The following PLXNA4 variants were observed in gnomAD, a reference collection of about 807,000 sequenced individuals.
PLXNA4 encodes plexin A4.
PLXNA4 carries 44 observed loss-of-function variants against 191.8 expected under a neutral mutation model. The ratio of observed to expected loss-of-function variants is 0.23; its 90% CI spans 0.18 to 0.29. PLXNA4 has a LOEUF of 0.29. Among genes scored for constraint, PLXNA4 ranks in the 10% least tolerant of loss-of-function variants. The pLI is 1.00. For synonymous variants in PLXNA4, 1,082 were observed against 1,009.5 expected (o/e 1.07, Z -1.36); for missense variants, 1,800 against 2,488.8 (o/e 0.72, Z 5.89).
At chr7:132,144,572 T>C (rs1268551997) in intron 29 of PLXNA4, among the ~76,000 whole-genome samples, 1 of 152,246 alleles carries the variant, frequency 6.6e-6, no homozygotes, top group Non-Finnish European at 1.5e-5. Flanking sequence ...TTTGTTCACC[T>C]GGCTGGTTCC....
chr7:132,265,591 T>C (rs1013077262), intron 4 of PLXNA4, among the ~76,000 whole-genome samples: 2 of 152,182 alleles, frequency 1.3e-5, no homozygotes, highest in African/African-American at 2.4e-5. Flanking sequence ...GAATTGAGCA[T>C]GCAGACAAGA....
At chr7:132,328,804 C>T (rs73723785) in intron 3 of PLXNA4, among the ~76,000 whole-genome samples, 4,594 of 152,214 alleles carry the variant, frequency 0.03, 126 homozygotes, top group African/African-American at 0.072. Flanking sequence ...CCCTCTGCAC[C>T]GCAGGTGCTC....
At chr7:132,321,614 G>A (rs183481709) in intron 3 of PLXNA4, among the ~76,000 whole-genome samples, 1,991 of 152,274 alleles carry the variant, frequency 0.013, 37 homozygotes, top group African/African-American at 0.045. Flanking sequence ...TTGCCGTGTC[G>A]GTGCACATAA....
rs78248128 is a variant in PLXNA4, at chr7:132,508,466, G to A, written c.228C>T (p.Ser76=). ...CATGCGTCACCAAGACCTTCAGGTC[G>A]CTGGAGAGCTTGTAAATCCGATTGA... ...GAVNRIYKLS[S]DLKVLVTHET... is the part of the protein sequence containing the mutation. The change falls in exon 2 of 32, where the codon AGC becomes AGT. Residue 76 remains serine, a synonymous_variant. Transcript: ENST00000321063. This position sits in a 1 kb window ranked among gnomAD's most constrained non-coding sequence, Gnocchi z 4.4. The A allele has an allele frequency of 7.7e-3, 12,451 of 1,614,154 alleles. 487 individuals carry two copies. The African/African-American group carries it at 0.11, about 14-fold the overall frequency.
At chr7:132,241,969 T>A (rs1217859112) in intron 4 of PLXNA4, among the ~76,000 whole-genome samples, 2 of 152,196 alleles carry the variant, frequency 1.3e-5, no homozygotes, top group Non-Finnish European at 2.9e-5. Flanking sequence ...CTCTTAAATA[T>A]CTTTTGAATT....
intron 1 of PLXNA4, among the ~76,000 whole-genome samples, chr7:132,572,689 C>A (rs758973586): frequency 2.0e-5 from 3 of 152,172 alleles, no homozygotes; most frequent in African/African-American, 7.2e-5. Context: ...ACCTTCCTAC[C>A]GCAACTTGAA....
At chr7:132,204,602 G>A (rs950625980) in intron 10 of PLXNA4, among the ~76,000 whole-genome samples, 7 of 152,110 alleles carry the variant, frequency 4.6e-5, no homozygotes, top group African/African-American at 1.7e-4. Context: ...CTGGGCTAGG[G>A]GGATGTTGAT....
intron 3 of PLXNA4, among the ~76,000 whole-genome samples, chr7:132,314,802 T>C (rs1004275215): frequency 1.3e-5 from 2 of 152,202 alleles, no homozygotes; most frequent in African/African-American, 4.8e-5. Context: ...AAAGACTTCT[T>C]TGTTCCTCCT....
intron 3 of PLXNA4, among the ~76,000 whole-genome samples, chr7:132,302,307 T>A (rs1584964201): frequency 6.6e-6 from 1 of 151,928 alleles, no homozygotes; most frequent in South Asian, 2.1e-4. Context: ...CAAAAAAAAA[T>A]GGTCCACCCT....
intron 29 of PLXNA4, among the ~76,000 whole-genome samples, chr7:132,141,543 G>A (rs1390325668): frequency 6.6e-6 from 1 of 152,098 alleles, no homozygotes; most frequent in African/African-American, 2.4e-5. Context: ...TGGGTTCATG[G>A]AAAGGCAGAC....
chr7:132,202,892 A>C (rs550397789), intron 11 of PLXNA4, 56 bp from the exon 12 acceptor site: 2 of 1,437,798 alleles, frequency 1.4e-6, no homozygotes, highest in South Asian at 3.0e-5. Flanking sequence ...TGGGGACAGA[A>C]GGGGCCCAGA....
At chr7:132,647,767 C>T (rs1377961459) in intron 1 of PLXNA4, among the ~76,000 whole-genome samples, 1 of 151,384 alleles carries the variant, frequency 6.6e-6, no homozygotes, top group African/African-American at 2.4e-5. Flanking sequence ...TATACACTCA[C>T]AAACACTATC....
chr7:132,155,533 G>C (rs1344567746), intron 25 of PLXNA4, among the ~76,000 whole-genome samples: 1 of 152,212 alleles, frequency 6.6e-6, no homozygotes, highest in Non-Finnish European at 1.5e-5. Context: ...TTGTTGAAGA[G>C]TTTAGTGATG....
chr7:132,137,233 T>C (rs1795139778), intron 30 of PLXNA4, among the ~76,000 whole-genome samples: 1 of 152,238 alleles, frequency 6.6e-6, no homozygotes, highest in Non-Finnish European at 1.5e-5. Context: ...CCTTTTTTCA[T>C]GCCGTGACAC....
intron 4 of PLXNA4, among the ~76,000 whole-genome samples, chr7:132,286,828 G>T (rs1800699984): frequency 6.6e-6 from 1 of 152,184 alleles, no homozygotes; most frequent in Non-Finnish European, 1.5e-5. Flanking sequence ...CTCTGATTAG[G>T]GTGGGAGACC....
intron 10 of PLXNA4, among the ~76,000 whole-genome samples, chr7:132,208,993 C>T (rs559463753): frequency 6.6e-6 from 1 of 152,310 alleles, no homozygotes; most frequent in African/African-American, 2.4e-5. Flanking sequence ...ATGCTGAGGA[C>T]ATTTCAACAC....
At chr7:132,330,012 T>C (rs1802529489) in intron 3 of PLXNA4, among the ~76,000 whole-genome samples, 1 of 152,124 alleles carries the variant, frequency 6.6e-6, no homozygotes, top group Admixed American at 6.6e-5. Context: ...CGTTGTGTGT[T>C]GAGAGCTGGC....
At chr7:132,621,259 G>T (rs150180494) in intron 2 of PLXNA4, among the ~76,000 whole-genome samples, 6,821 of 78,516 alleles carry the variant, frequency 0.087, 537 homozygotes, top group African/African-American at 0.24. Flanking sequence ...TTTTTTTTTT[G>T]GTTTTTTTGT....
At chr7:132,513,164 T>C (rs1477502647) in intron 1 of PLXNA4, among the ~76,000 whole-genome samples, 1 of 152,220 alleles carries the variant, frequency 6.6e-6, no homozygotes, top group Non-Finnish European at 1.5e-5. Context: ...TTGTCTTTGT[T>C]TTAGGCAGCA....
Sources: gnomAD v4.1 joint callset for allele counts (sites outside exome capture counted in the v4.1 genomes callset) on GRCh38, gnomAD v4.1.1 for gene constraint, Gnocchi (gnomAD v3.1) non-coding constraint, MANE v1.5 for transcripts, NCBI Gene and HGNC (gene_info 2026-07-23, HGNC 2026-07-21) for gene names.